The following ADAMTSL1 variants were observed in gnomAD, a reference collection of about 807,000 sequenced individuals.
The protein encoded by ADAMTSL1 is ADAMTS-like protein 1.
A neutral mutation model predicts 201.8 loss-of-function variants in ADAMTSL1; 126 were observed. The ratio of observed to expected loss-of-function variants is 0.62; its 90% CI spans 0.54 to 0.72. The LOEUF is 0.72. ADAMTSL1 is among the 30% of genes least tolerant of loss of function. The probability of loss-of-function intolerance (pLI) is 0.00; values close to 1 mark genes in which losing one functional copy is unlikely to be tolerated. For synonymous variants in ADAMTSL1, 1,121 were observed against 903.4 expected (o/e 1.24, Z -4.32); for missense variants, 2,679 against 2,277.8 (o/e 1.18, Z -3.59).
chr9:18,501,284 G>A (rs1480584951), intron 1 of ADAMTSL1, among the ~76,000 whole-genome samples: 1 of 152,094 alleles, frequency 6.6e-6, no homozygotes, highest in Non-Finnish European at 1.5e-5. Context: ...GCCAAGGTGG[G>A]TGGATAGCTC....
intron 19 of ADAMTSL1, among the ~76,000 whole-genome samples, chr9:18,792,883 C>T (rs112952888): frequency 0.029 from 4,362 of 152,160 alleles, 200 homozygotes; most frequent in African/African-American, 0.094. Flanking sequence ...TTAGCTTCTT[C>T]GAAATAAACT....
At chr9:18,820,162 C>T (rs1201500642) in intron 21 of ADAMTSL1, among the ~76,000 whole-genome samples, 1 of 152,166 alleles carries the variant, frequency 6.6e-6, no homozygotes, top group Non-Finnish European at 1.5e-5. Flanking sequence ...CTGCTTAAAG[C>T]AGTATTTTAT....
chr9:18,708,977 T>C (rs1209439357), intron 14 of ADAMTSL1, among the ~76,000 whole-genome samples: 2 of 152,226 alleles, frequency 1.3e-5, no homozygotes, highest in Non-Finnish European at 2.9e-5. Flanking sequence ...AAGATTTGGA[T>C]GTTTGAGATA....
At chr9:18,827,816 C>T (rs1824678736) in intron 22 of ADAMTSL1, among the ~76,000 whole-genome samples, 1 of 152,162 alleles carries the variant, frequency 6.6e-6, no homozygotes, top group Non-Finnish European at 1.5e-5. Context: ...AAAACATCTT[C>T]CCCATTTTCA....
intron 1 of ADAMTSL1, among the ~76,000 whole-genome samples, chr9:17,934,647 G>A (rs185205610): frequency 2.6e-5 from 4 of 152,020 alleles, no homozygotes; most frequent in Admixed American, 6.6e-5. Flanking sequence ...CAGACCTGCC[G>A]CATTTCTTTC....
At chr9:18,283,996 C>T (rs1272559296) in intron 2 of ADAMTSL1, among the ~76,000 whole-genome samples, 2 of 150,014 alleles carry the variant, frequency 1.3e-5, no homozygotes, top group Non-Finnish European at 3.0e-5. Flanking sequence ...TTTGGGAGGC[C>T]GAGGAGGGCA....
intron 3 of ADAMTSL1, among the ~76,000 whole-genome samples, chr9:18,562,129 C>T (rs1476146814): frequency 1.3e-5 from 2 of 152,166 alleles, no homozygotes; most frequent in African/African-American, 4.8e-5. Context: ...ATGGTGTTCA[C>T]AATTTGGTAT....
intron 1 of ADAMTSL1, among the ~76,000 whole-genome samples, chr9:17,913,771 C>A (rs1825980320): frequency 6.6e-6 from 1 of 151,214 alleles, no homozygotes; most frequent in South Asian, 2.1e-4. Context: ...TGATAGACCG[C>A]TAGCGAGACT....
chr9:18,103,100 T>G (rs1463218168), intron 1 of ADAMTSL1, among the ~76,000 whole-genome samples: 1 of 152,210 alleles, frequency 6.6e-6, no homozygotes. Context: ...TTTCTCTATA[T>G]TCCTGGGGAT....
At chr9:18,741,119 T>C (rs1313305735) in intron 15 of ADAMTSL1, among the ~76,000 whole-genome samples, 6 of 152,102 alleles carry the variant, frequency 3.9e-5, no homozygotes, top group African/African-American at 9.7e-5. Context: ...ACACAAAAAG[T>C]GTTCAATAAA....
chr9:18,266,472 T>C (rs1270371472), intron 2 of ADAMTSL1, among the ~76,000 whole-genome samples: 3 of 152,218 alleles, frequency 2.0e-5, no homozygotes, highest in African/African-American at 7.2e-5. Flanking sequence ...CTATTCATAA[T>C]CAAAAATGAT....
At chr9:18,263,423 G>A (rs916641106) in intron 2 of ADAMTSL1, among the ~76,000 whole-genome samples, 1 of 151,688 alleles carries the variant, frequency 6.6e-6, no homozygotes, top group African/African-American at 2.4e-5. Flanking sequence ...TGCTTCCTCC[G>A]TGTGCCTCTT....
At chr9:17,995,019 A>G (rs1319911895) in intron 1 of ADAMTSL1, among the ~76,000 whole-genome samples, 1 of 152,176 alleles carries the variant, frequency 6.6e-6, no homozygotes, top group African/African-American at 2.4e-5. Context: ...TTTCTCCACA[A>G]GAGATTCTTT....
rs191512214 is a variant in ADAMTSL1 at position 18,097,531 on chromosome 9, C to A, written c.88-66331C>A. 8.7e-4 allele frequency among the ~76,000 whole-genome samples: 133 copies of A among 152,260 alleles called. 2 individuals carry two copies. Among genetic ancestry groups the A allele is most frequent in the Middle Eastern group, 6.8e-3 (2 of 294 alleles). On this transcript the variant is annotated intron_variant, in intron 1 of 29. Coordinates refer to the ADAMTSL1 transcript ENST00000680146. ...GTCATTACACTATTTTATCTCCAAC[C>A]AGAATTGTATAAAAGTCTGGCTGCT... is the stretch of plus-strand genomic sequence containing the variant.
At chr9:18,141,251 G>A (rs1176343284) in intron 1 of ADAMTSL1, among the ~76,000 whole-genome samples, 1 of 152,110 alleles carries the variant, frequency 6.6e-6, no homozygotes, top group African/African-American at 2.4e-5. Context: ...GGAGGAGAGT[G>A]GAAGAGCAGT....
chr9:18,207,570 T>C (rs13290157), intron 2 of ADAMTSL1, among the ~76,000 whole-genome samples: 18,488 of 152,222 alleles, frequency 0.12, 1,318 homozygotes, highest in East Asian at 0.25. Flanking sequence ...CATTGCATGA[T>C]TCTCCTACAA....
rs1347510130 is a variant in ADAMTSL1 at position 17,925,098 on chromosome 9, G to GA, written c.87+18182dup. Among the ~76,000 whole-genome samples, 280 of 87,998 alleles carry GA rather than the reference G, an allele frequency of 3.2e-3. 11 individuals carry two copies. The highest frequency in any genetic ancestry group is 0.01 in the African/African-American group (268 of 26,622). The allele number at this position is 87,998 out of a possible 152,430, so 57.7% of individuals were successfully genotyped here. A position where few individuals can be genotyped will look rare whatever the true frequency, so the allele number is the denominator to read the frequency against. On this transcript the variant is annotated intron_variant, in intron 1 of 29. Coordinates refer to the ADAMTSL1 transcript ENST00000680146. Reference sequence around the variant, plus strand: ...ACATTTATGCAGCCAAAAAACACATGAAAAAATGCTCATCATCACTGGCCA... The same window carrying GA: ...ACATTTATGCAGCCAAAAAACACATGAAAAAAATGCTCATCATCACTGGCCA...
chr9:18,786,071 T>C (rs1370031169), intron 19 of ADAMTSL1, among the ~76,000 whole-genome samples: 3 of 152,246 alleles, frequency 2.0e-5, no homozygotes, highest in East Asian at 1.9e-4. Context: ...AAGACTTTCT[T>C]TTCTTTTCAA....
At chr9:18,652,743 A>G (rs13298947) in intron 7 of ADAMTSL1, among the ~76,000 whole-genome samples, 27,325 of 152,116 alleles carry the variant, frequency 0.18, 2,793 homozygotes, top group Middle Eastern at 0.25. Context: ...AATATTTTCA[A>G]CTTAAGATGG....
Sources: allele counts gnomAD v4.1 joint callset (sites outside exome capture counted in the v4.1 genomes callset), GRCh38; gene constraint gnomAD v4.1.1; transcripts MANE v1.5; gene names NCBI Gene and HGNC (gene_info 2026-07-23, HGNC 2026-07-21).